The following SRGAP2C variants were observed in gnomAD, a reference collection of about 807,000 sequenced individuals.
SRGAP2C encodes SLIT-ROBO Rho GTPase activating protein 2C.
Under a neutral mutation model 25.1 loss-of-function variants are expected in SRGAP2C, and 15 were observed. The ratio of observed to expected loss-of-function variants is 0.60; its 90% CI spans 0.40 to 0.92. The LOEUF is 0.92. Ranked by LOEUF, SRGAP2C falls within the 40% of genes least tolerant of loss-of-function variation. SRGAP2C has a pLI of 0.00. For missense variants in SRGAP2C, 144 were observed against 264.4 expected (o/e 0.54, Z 3.16); for synonymous variants, 44 against 96.6 (o/e 0.46, Z 3.19).
intron 4 of SRGAP2C, 129 bp from the exon 5 acceptor site, chr1:121,365,164 A>T: frequency 8.8e-6 from 3 of 341,048 alleles, no homozygotes; most frequent in Non-Finnish European, 1.6e-5. Flanking sequence ...TGGTTATCTG[A>T]TTTGCTGGGT....
chr1:121,198,281 GTTTT>G (rs71278814), intron 2 of SRGAP2C, among the ~76,000 whole-genome samples: 11 of 142,224 alleles, frequency 7.7e-5, no homozygotes, highest in South Asian at 2.2e-4. Context: ...TATTCTCTTT[GTTTT>G]TTTTTTTTGT....
chr1:121,370,732 C>T (rs1471002044), intron 5 of SRGAP2C, among the ~76,000 whole-genome samples: 53 of 151,846 alleles, frequency 3.5e-4, no homozygotes, highest in Non-Finnish European at 5.2e-4. Flanking sequence ...GCATGAGCCA[C>T]CATGCCCGGC....
chr1:121,328,904 AAC>A (rs1491012195), intron 4 of SRGAP2C, among the ~76,000 whole-genome samples: 16,079 of 116,232 alleles, frequency 0.14, 1,484 homozygotes, highest in East Asian at 0.4. Flanking sequence ...AAAAAAAAAA[AAC>A]AAAAAACAAA....
intron 4 of SRGAP2C, among the ~76,000 whole-genome samples, chr1:121,342,943 T>A (rs1658664306): frequency 1.0e-5 from 1 of 96,144 alleles, no homozygotes; most frequent in Non-Finnish European, 2.3e-5. Context: ...CTTGAAAGAG[T>A]CACAAAAACT....
chr1:121,213,052 T>G, intron 2 of SRGAP2C, among the ~76,000 whole-genome samples: 1 of 148,732 alleles, frequency 6.7e-6, no homozygotes, highest in East Asian at 2.0e-4. Context: ...TAATTTTTTT[T>G]TTTTTTTTTT....
At chr1:121,221,772 C>A (rs1655530131) in intron 2 of SRGAP2C, among the ~76,000 whole-genome samples, 1 of 126,020 alleles carries the variant, frequency 7.9e-6, no homozygotes, top group Non-Finnish European at 1.6e-5. Context: ...TTATTCTGAA[C>A]TGTGTAGAGT....
chr1:121,323,445 A>G (rs1179018934), intron 3 of SRGAP2C, among the ~76,000 whole-genome samples: 3 of 150,152 alleles, frequency 2.0e-5, no homozygotes, highest in Non-Finnish European at 4.4e-5. Flanking sequence ...GTGAAAACCC[A>G]TCTCTACTAA....
rs587750060 is a variant in SRGAP2C at position 121,365,965 on chromosome 1, G to A, written c.486+610G>A. On this transcript the variant is annotated intron_variant, in intron 5 of 9. Transcript: ENST00000367123. ...CACAATCTGTTCTGAGATGACTGGCGCTTCAGGCACATGATGCCTGTGGCT... is the reference window on the plus strand; with the variant it reads ...CACAATCTGTTCTGAGATGACTGGCACTTCAGGCACATGATGCCTGTGGCT... Among the ~76,000 whole-genome samples the A allele has an allele frequency of 8.2e-5, 12 of 145,814 alleles. No homozygotes were observed. The East Asian group carries it at 1.3e-3, about 16-fold the overall frequency.
intron 2 of SRGAP2C, among the ~76,000 whole-genome samples, chr1:121,263,186 T>A (rs1239898664): frequency 2.7e-5 from 4 of 150,444 alleles, no homozygotes; most frequent in Non-Finnish European, 4.5e-5. Flanking sequence ...AAATCCTGTC[T>A]CTACTAAAAT....
chr1:121,375,010 C>T (rs1161132871), intron 7 of SRGAP2C, 56 bp downstream of exon 7: 23 of 747,946 alleles, frequency 3.1e-5, no homozygotes, highest in East Asian at 1.5e-4. Flanking sequence ...TCAGAATACT[C>T]GTCAGACATT....
At chr1:121,213,172 G>A (rs1333679719) in intron 2 of SRGAP2C, among the ~76,000 whole-genome samples, 40 of 148,802 alleles carry the variant, frequency 2.7e-4, no homozygotes, top group Non-Finnish European at 4.3e-4. Context: ...CAGCCACCCC[G>A]GTAGCTGGGA....
chr1:121,347,705 A>G (rs1158391924), intron 4 of SRGAP2C, among the ~76,000 whole-genome samples: 1 of 152,232 alleles, frequency 6.6e-6, no homozygotes, highest in Non-Finnish European at 1.5e-5. Context: ...ATTAGTGTCA[A>G]GGGCTGTGGA....
chr1:121,222,632 C>G (rs1425880916), intron 2 of SRGAP2C, among the ~76,000 whole-genome samples: 1 of 152,028 alleles, frequency 6.6e-6, no homozygotes, highest in Non-Finnish European at 1.5e-5. Context: ...GTCTCAAAAA[C>G]AAGCTAACAA....
intron 2 of SRGAP2C, among the ~76,000 whole-genome samples, chr1:121,260,419 G>C (rs587630055): frequency 6.6e-6 from 1 of 152,058 alleles, no homozygotes; most frequent in South Asian, 2.1e-4. Flanking sequence ...GTGGGAATGA[G>C]GTGGAAGTAC....
intron 2 of SRGAP2C, among the ~76,000 whole-genome samples, chr1:121,206,458 G>A (rs1162845950): frequency 6.6e-6 from 1 of 152,192 alleles, no homozygotes; most frequent in East Asian, 1.9e-4. Flanking sequence ...TCATACTGGG[G>A]CAACAAAGAT....
chr1:121,254,005 T>C (rs1553331912), intron 2 of SRGAP2C, among the ~76,000 whole-genome samples: 12 of 151,726 alleles, frequency 7.9e-5, no homozygotes, highest in Non-Finnish European at 1.5e-5. Context: ...CTCAACCTCC[T>C]GGGTTCAAGC....
intron 2 of SRGAP2C, among the ~76,000 whole-genome samples, chr1:121,283,865 C>A (rs1399424710): frequency 0.019 from 2,893 of 150,594 alleles, 79 homozygotes; most frequent in African/African-American, 0.066. Flanking sequence ...TGCAGTGCTG[C>A]ATTTGAGGCA....
At chr1:121,307,325 G>C (rs1553339559) in intron 3 of SRGAP2C, among the ~76,000 whole-genome samples, 1 of 151,290 alleles carries the variant, frequency 6.6e-6, no homozygotes, top group East Asian at 1.9e-4. Flanking sequence ...AATGCTAGTT[G>C]GTGACCTATA....
chr1:121,267,900 A>G (rs1185333233), intron 2 of SRGAP2C, among the ~76,000 whole-genome samples: 3 of 151,802 alleles, frequency 2.0e-5, no homozygotes, highest in Non-Finnish European at 2.9e-5. Flanking sequence ...AAAAAAGTAA[A>G]TACTCATTAT....
Sources: allele counts gnomAD v4.1 joint callset (sites outside exome capture counted in the v4.1 genomes callset), GRCh38; gene constraint gnomAD v4.1.1; transcripts MANE v1.5; gene names NCBI Gene and HGNC (gene_info 2026-07-23, HGNC 2026-07-21).